The following DLG2 variants were observed in gnomAD, a reference collection of about 807,000 sequenced individuals.
DLG2 encodes discs large MAGUK scaffold protein 2.
A neutral mutation model predicts 132.5 loss-of-function variants in DLG2; 45 were observed. The observed-to-expected ratio is 0.34, with a 90% CI of 0.27 to 0.44. The LOEUF (loss-of-function observed/expected upper bound fraction) is 0.44. Among genes scored for constraint, DLG2 ranks in the 20% least tolerant of loss-of-function variants. The pLI is 1.00. For synonymous variants in DLG2, 424 were observed against 419.6 expected, an observed-to-expected ratio of 1.01 and a Z score of -0.13; for missense variants, 1,045 against 1,196.9, an observed-to-expected ratio of 0.87 and a Z score of 1.87.
At chr11:84,656,802 T>C (rs1489117347) in intron 6 of DLG2, among the ~76,000 whole-genome samples, 1 of 152,084 alleles carries the variant, frequency 6.6e-6, no homozygotes, top group Non-Finnish European at 1.5e-5. Context: ...AAAATTGTAA[T>C]AGGGAGTGGA....
chr11:84,108,870 G>A (rs951029346), intron 9 of DLG2, among the ~76,000 whole-genome samples: 3 of 152,092 alleles, frequency 2.0e-5, no homozygotes, highest in African/African-American at 7.2e-5. Flanking sequence ...AATATTTGAG[G>A]CATAATTTGA....
intron 6 of DLG2, among the ~76,000 whole-genome samples, chr11:85,079,388 C>A (rs2066948125): frequency 6.6e-6 from 1 of 151,988 alleles, no homozygotes; most frequent in Admixed American, 6.6e-5. Flanking sequence ...GTGGACAACC[C>A]ATTCCCATCA....
At chr11:85,356,989 A>C (rs1448265050) in intron 3 of DLG2, among the ~76,000 whole-genome samples, 1 of 152,142 alleles carries the variant, frequency 6.6e-6, no homozygotes, top group African/African-American at 2.4e-5. Flanking sequence ...AGTCAAACCT[A>C]AGTTTCAAAT....
rs541230601 is a variant in DLG2, at chr11:84,645,293, T to C, written c.358-110562A>G. 7.2e-5 allele frequency among the ~76,000 whole-genome samples: 11 copies of C among 152,260 alleles called. No homozygotes were observed. The South Asian group carries it at 2.3e-3, about 32-fold the overall frequency. On this transcript the variant is annotated intron_variant, in intron 6 of 27. Coordinates refer to ENST00000376104, the MANE Select transcript of DLG2 (RefSeq NM_001142699.3). ...ATAGGTACCTTTTCTAAGGGTTAAA[T>C]AAAATATGTCAAGTAACTATCAATA... is the stretch of plus-strand genomic sequence containing the variant.
intron 11 of DLG2, among the ~76,000 whole-genome samples, chr11:83,994,216 A>G (rs2093892430): frequency 6.6e-6 from 1 of 152,174 alleles, no homozygotes; most frequent in South Asian, 2.1e-4. Context: ...TATGAAATGA[A>G]CACCAACTAA....
At chr11:83,743,425 G>T (rs908194211) in intron 18 of DLG2, among the ~76,000 whole-genome samples, 9 of 87,200 alleles carry the variant, frequency 1.0e-4, no homozygotes, top group Non-Finnish European at 1.5e-4. Context: ...ACAGTGGGCA[G>T]GCCATTTTTT....
chr11:83,582,376 A>G (rs1003393089), intron 19 of DLG2, among the ~76,000 whole-genome samples: 2 of 152,204 alleles, frequency 1.3e-5, no homozygotes, highest in Non-Finnish European at 2.9e-5. Flanking sequence ...GACTTTTCCA[A>G]TTCAAGGATG....
At chr11:84,827,862 T>C (rs904467400) in intron 6 of DLG2, among the ~76,000 whole-genome samples, 2 of 151,414 alleles carry the variant, frequency 1.3e-5, no homozygotes, top group African/African-American at 4.8e-5. Context: ...GAAAGACAAA[T>C]ATTGCATGTT....
chr11:85,241,718 A>G (rs1434195806), intron 4 of DLG2, among the ~76,000 whole-genome samples: 2 of 152,020 alleles, frequency 1.3e-5, no homozygotes, highest in African/African-American at 2.4e-5. Context: ...ATCAAGTGGC[A>G]CAAGTGAATT....
intron 9 of DLG2, 47 bp downstream of exon 9, chr11:84,163,414 G>A: frequency 6.6e-7 from 1 of 1,514,808 alleles, no homozygotes; most frequent in Non-Finnish European, 9.0e-7. Flanking sequence ...AGAATAGAAT[G>A]TGAAATGCAA....
At position 84,356,327 on chromosome 11, in the gene DLG2, T is replaced by C. The variant is rs563931338; in HGVS notation, c.520-105036A>G. On this transcript the variant is annotated intron_variant, in intron 7 of 27. Transcript: ENST00000376104. The stretch of plus-strand genomic sequence containing the variant: ...GTATCCACCATATGTGAGGCATTGT[T>C]CTAAGCCCTGTGGATACAATCTGAA... Among the ~76,000 whole-genome samples the C allele has an allele frequency of 2.6e-5, 4 of 152,282 alleles. No individual in the cohort carries two copies. The South Asian group carries it at 6.2e-4, about 24-fold the overall frequency.
intron 3 of DLG2, among the ~76,000 whole-genome samples, chr11:85,373,314 G>A (rs1216146516): frequency 6.6e-6 from 1 of 151,946 alleles, no homozygotes; most frequent in Admixed American, 6.6e-5. Flanking sequence ...TTGCATTCAG[G>A]CCATCAAACT....
At chr11:83,714,945 T>TA (rs2086340097) in intron 18 of DLG2, among the ~76,000 whole-genome samples, 1 of 152,154 alleles carries the variant, frequency 6.6e-6, no homozygotes, top group Non-Finnish European at 1.5e-5. Flanking sequence ...CATTCTACTA[T>TA]AAAGACACAT....
intron 7 of DLG2, among the ~76,000 whole-genome samples, chr11:84,302,558 A>G (rs1401182995): frequency 1.3e-5 from 2 of 152,218 alleles, no homozygotes. Flanking sequence ...CTGAAGATAC[A>G]TATACAGAGA....
chr11:83,595,130 G>GA (rs58264052), intron 19 of DLG2, among the ~76,000 whole-genome samples: 17 of 151,850 alleles, frequency 1.1e-4, no homozygotes, highest in African/African-American at 2.9e-4. Flanking sequence ...CTATTTATGG[G>GA]AAAAAAAAAC....
chr11:83,947,751 A>G (rs1214362365), intron 14 of DLG2, among the ~76,000 whole-genome samples: 2 of 152,252 alleles, frequency 1.3e-5, no homozygotes, highest in African/African-American at 2.4e-5. Flanking sequence ...TAACTCATCC[A>G]AAGTCAAATA....
intron 9 of DLG2, among the ~76,000 whole-genome samples, chr11:84,161,868 C>T (rs749819269): frequency 3.9e-5 from 6 of 152,054 alleles, no homozygotes; most frequent in Non-Finnish European, 7.4e-5. Context: ...CTCATTTGAG[C>T]TCATTTTCCA....
chr11:84,630,131 C>T (rs1240815611), intron 6 of DLG2, among the ~76,000 whole-genome samples: 1 of 152,120 alleles, frequency 6.6e-6, no homozygotes, highest in Non-Finnish European at 1.5e-5. Flanking sequence ...ATTCTTCAAC[C>T]CTTTCCCTTA....
At chr11:84,404,101 A>G (rs2098840257) in intron 7 of DLG2, among the ~76,000 whole-genome samples, 1 of 151,982 alleles carries the variant, frequency 6.6e-6, no homozygotes, top group Non-Finnish European at 1.5e-5. Flanking sequence ...AGCCTTATTG[A>G]CTTCCCACTG....
Sources: allele counts gnomAD v4.1 joint callset (sites outside exome capture counted in the v4.1 genomes callset), GRCh38; gene constraint gnomAD v4.1.1; transcripts MANE v1.5; gene names NCBI Gene and HGNC (gene_info 2026-07-23, HGNC 2026-07-21).